The following DIS3L2 variants were observed in gnomAD, a reference collection of about 807,000 sequenced individuals.
The protein encoded by DIS3L2 is DIS3 like 3'-5' exoribonuclease 2, also known as DIS3-like exonuclease 2.
DIS3L2 carries 34 observed loss-of-function variants against 97.5 expected under a neutral mutation model. That is an observed-to-expected ratio of 0.35 (90% CI 0.27 to 0.46). The LOEUF is 0.46. DIS3L2 is among the 20% of genes least tolerant of loss of function. The pLI is 1.00. For missense variants in DIS3L2, 1,038 were observed against 1,146.0 expected, an observed-to-expected ratio of 0.91 and a Z score of 1.36; for synonymous variants, 435 against 445.2, an observed-to-expected ratio of 0.98 and a Z score of 0.29.
At chr2:232,081,629 A>G (rs529441309) in intron 5 of DIS3L2, among the ~76,000 whole-genome samples, 27 of 152,300 alleles carry the variant, frequency 1.8e-4, no homozygotes, top group African/African-American at 6.0e-4. Flanking sequence ...AGTTGACCAG[A>G]GAAGCCCCTT....
chr2:232,263,082 A>G (rs1693755465), intron 12 of DIS3L2, 125 bp from the exon 13 acceptor site: 1 of 1,020,314 alleles, frequency 9.8e-7, no homozygotes. Context: ...ACCTGCCACC[A>G]TTCCGAGCAC....
chr2:232,291,976 C>T (rs1446541836), intron 13 of DIS3L2, among the ~76,000 whole-genome samples: 2 of 152,192 alleles, frequency 1.3e-5, no homozygotes, highest in African/African-American at 4.8e-5. Flanking sequence ...GAGTTTAGTG[C>T]CTAGTGGCCC....
At chr2:232,116,444 G>A (rs1164632966) in intron 6 of DIS3L2, among the ~76,000 whole-genome samples, 1 of 152,092 alleles carries the variant, frequency 6.6e-6, no homozygotes, top group African/African-American at 2.4e-5. Flanking sequence ...GTCACTATGT[G>A]GAATTATCCT....
In DIS3L2 at chr2:232,325,624, T is replaced by G. The variant is rs1411378520; in HGVS notation, c.1740-4189T>G. Among the ~76,000 whole-genome samples the G allele has an allele frequency of 1.3e-5, 2 of 152,138 alleles. No homozygotes were observed. Among genetic ancestry groups the G allele is most frequent in the African/African-American group, 4.8e-5 (2 of 41,428 alleles). On this transcript the variant is annotated intron_variant, in intron 14 of 20. Coordinates refer to ENST00000325385, the MANE Select transcript of DIS3L2 (RefSeq NM_152383.5). This position sits in a 1 kb window ranked among gnomAD's most constrained non-coding sequence, Gnocchi z 4.6. Reference sequence around the variant, plus strand: ...GCCCCACCCCAGACCTCCAGAGTGGTGGGGCCCTGGTGGTGCAGGTTCCAG... The same window carrying G: ...GCCCCACCCCAGACCTCCAGAGTGGGGGGGCCCTGGTGGTGCAGGTTCCAG...
At chr2:232,046,604 C>A (rs1695250645) in intron 5 of DIS3L2, among the ~76,000 whole-genome samples, 1 of 152,068 alleles carries the variant, frequency 6.6e-6, no homozygotes. Flanking sequence ...ATAACGAATT[C>A]TTTGTTTTAG....
At chr2:232,227,197 GT>G (rs1692673728) in intron 10 of DIS3L2, among the ~76,000 whole-genome samples, 1 of 152,200 alleles carries the variant, frequency 6.6e-6, no homozygotes, top group Non-Finnish European at 1.5e-5. Flanking sequence ...CAAAATGTTT[GT>G]TCTGCAGAAT....
At chr2:232,336,144 C>A (rs1387002543) in intron 20 of DIS3L2, 1 of 1,535,320 alleles carries the variant, frequency 6.5e-7, no homozygotes, top group Non-Finnish European at 8.8e-7. Context: ...CTTCTAGGGT[C>A]CTTTAGAGAA....
chr2:232,313,074 C>T (rs1695177953), intron 14 of DIS3L2, among the ~76,000 whole-genome samples: 1 of 151,808 alleles, frequency 6.6e-6, no homozygotes, highest in African/African-American at 2.4e-5. Flanking sequence ...TTTTCCTTTC[C>T]AATTCTCATG....
chr2:232,302,923 GTTAA>G (rs927271570), intron 14 of DIS3L2, among the ~76,000 whole-genome samples: 17 of 152,234 alleles, frequency 1.1e-4, no homozygotes, highest in East Asian at 5.8e-4. Flanking sequence ...ATTATTAATT[GTTAA>G]TTAATTATTA....
intron 5 of DIS3L2, among the ~76,000 whole-genome samples, chr2:232,049,683 C>G (rs1695347618): frequency 6.6e-6 from 1 of 152,164 alleles, no homozygotes; most frequent in Admixed American, 6.5e-5. Flanking sequence ...TAAAAGAGAT[C>G]AAATTTGCAT....
At chr2:232,225,401 A>G (rs1014018089) in intron 10 of DIS3L2, among the ~76,000 whole-genome samples, 1 of 152,256 alleles carries the variant, frequency 6.6e-6, no homozygotes, top group Admixed American at 6.5e-5. Flanking sequence ...AACAGAGTGA[A>G]GCAAATTCAA....
At chr2:232,185,836 T>A (rs1386880824) in intron 9 of DIS3L2, among the ~76,000 whole-genome samples, 6 of 115,056 alleles carry the variant, frequency 5.2e-5, no homozygotes, top group Non-Finnish European at 1.0e-4. Flanking sequence ...GGCAACAGAG[T>A]GAGACTTCGT....
chr2:232,240,728 T>G (rs938003037), intron 11 of DIS3L2, among the ~76,000 whole-genome samples: 1 of 152,208 alleles, frequency 6.6e-6, no homozygotes, highest in African/African-American at 2.4e-5. Context: ...TATAGGCAGC[T>G]TAAGAGAATG....
intron 3 of DIS3L2, among the ~76,000 whole-genome samples, chr2:232,018,469 C>G (rs1420749407): frequency 6.6e-6 from 1 of 152,134 alleles, no homozygotes; most frequent in Non-Finnish European, 1.5e-5. Flanking sequence ...ATAAGATTTT[C>G]ATAGGCAGAG....
intron 13 of DIS3L2, among the ~76,000 whole-genome samples, chr2:232,267,274 A>G (rs1341523716): frequency 6.6e-6 from 1 of 152,212 alleles, no homozygotes; most frequent in African/African-American, 2.4e-5. Flanking sequence ...TGGGAAACAG[A>G]TAGGGAAGCA....
chr2:232,087,034 ATTTTG>A (rs1400725098), intron 5 of DIS3L2, among the ~76,000 whole-genome samples: 1 of 151,868 alleles, frequency 6.6e-6, no homozygotes, highest in Non-Finnish European at 1.5e-5. Context: ...TTCACACTTA[ATTTTG>A]TTTTTTTTCC....
At chr2:232,303,108 A>T (rs143703643) in intron 14 of DIS3L2, among the ~76,000 whole-genome samples, 1 of 152,112 alleles carries the variant, frequency 6.6e-6, no homozygotes, top group East Asian at 1.9e-4. Context: ...CTTCCCAGAA[A>T]GTCTTCTGCC....
chr2:232,003,264 T>C (rs1186114668), intron 1 of DIS3L2, among the ~76,000 whole-genome samples: 2 of 152,242 alleles, frequency 1.3e-5, no homozygotes, highest in Non-Finnish European at 2.9e-5. Flanking sequence ...AAAATTCCTT[T>C]GCACTTTTTT....
At position 232,263,308 on chromosome 2, in the gene DIS3L2, T is replaced by C. The variant is rs770279827; in HGVS notation, c.1527T>C (p.Pro509=). The stretch of plus-strand genomic sequence containing the variant: ...TTGAAAGCCCAACTGAGAAAATCCC[T>C]GCGAAAGAGCTGCCCCCCATTTCCC... ...SMIESPTEKI[P]AKELPPISPE... Residue 509 remains proline (P), a synonymous_variant, in exon 13 of 21, where the codon CCT becomes CCC. Transcript: ENST00000325385. 6 of 1,614,062 alleles carry C rather than the reference T, an allele frequency of 3.7e-6. No individual in the cohort carries two copies. The African/African-American group carries it at 6.7e-5, about 18-fold the overall frequency.
Sources: allele counts gnomAD v4.1 joint callset (sites outside exome capture counted in the v4.1 genomes callset), GRCh38; gene constraint gnomAD v4.1.1; non-coding constraint Gnocchi (gnomAD v3.1); transcripts MANE v1.5; gene names NCBI Gene and HGNC (gene_info 2026-07-23, HGNC 2026-07-21).